GRIK3: variants seen among roughly 807,000 people sequenced by gnomAD.
The protein encoded by GRIK3 is glutamate ionotropic receptor kainate type subunit 3.
Under a neutral mutation model 102.5 loss-of-function variants are expected in GRIK3, and 29 were observed. That is an observed-to-expected ratio of 0.28 (90% CI 0.21 to 0.39). The LOEUF (loss-of-function observed/expected upper bound fraction) is 0.39. Ranked by LOEUF, GRIK3 falls within the 10% of genes least tolerant of loss-of-function variation. The probability of loss-of-function intolerance (pLI) is 1.00; values close to 1 mark genes in which losing one functional copy is unlikely to be tolerated. For synonymous variants in GRIK3, 511 were observed against 504.9 expected (o/e 1.01, Z -0.16); for missense variants, 908 against 1,252.4 (o/e 0.73, Z 4.15).
At chr1:37,000,038 A>G (rs1283427595) in intron 1 of GRIK3, among the ~76,000 whole-genome samples, 6 of 152,170 alleles carry the variant, frequency 3.9e-5, no homozygotes, top group African/African-American at 1.2e-4. Context: ...CACACTCCAC[A>G]TTTTACTTTA....
At chr1:36,950,360 C>A (rs974661331) in intron 1 of GRIK3, among the ~76,000 whole-genome samples, 1 of 152,150 alleles carries the variant, frequency 6.6e-6, no homozygotes, top group African/African-American at 2.4e-5. Flanking sequence ...AGAAAAAGCA[C>A]CTTTAGTATT....
chr1:36,875,013 A>G (rs1640897666), intron 3 of GRIK3, among the ~76,000 whole-genome samples: 1 of 152,198 alleles, frequency 6.6e-6, no homozygotes, highest in Non-Finnish European at 1.5e-5. Context: ...GCAGTGAATC[A>G]TGGTTGTTGG....
intron 1 of GRIK3, among the ~76,000 whole-genome samples, chr1:36,941,404 C>A (rs372693720): frequency 6.6e-6 from 1 of 152,152 alleles, no homozygotes; most frequent in African/African-American, 2.4e-5. Context: ...GAAGCAATTA[C>A]GATGATTGAT....
At chr1:36,802,135 G>C in intron 15 of GRIK3, 90 bp from the exon 16 acceptor site, 1 of 911,326 alleles carries the variant, frequency 1.1e-6, no homozygotes, top group Non-Finnish European at 1.7e-6. Context: ...CTTTCTCCCA[G>C]AGTCTGTGCT....
Position 36,975,288 on chromosome 1 carries a change from GTTTT to G in GRIK3, c.115+58702_115+58705del, listed in dbSNP as rs61125066. On this transcript the variant is annotated intron_variant, in intron 1 of 15. Coordinates refer to ENST00000373091, the MANE Select transcript of GRIK3 (RefSeq NM_000831.4). Reference sequence around the variant, plus strand: ...AAATCAATGAGCTTATCTAAAGTTGGTTTTTTTTTTTTTTTTTTTTGAGAGGGAG... The same window carrying G: ...AAATCAATGAGCTTATCTAAAGTTGGTTTTTTTTTTTTTTTTGAGAGGGAG... 5.3e-5 allele frequency among the ~76,000 whole-genome samples: 6 copies of G among 113,352 alleles called. No individual in the cohort carries two copies. The East Asian group carries it at 6.7e-4, about 13-fold the overall frequency. 74.4% of individuals were successfully genotyped at this position (113,352 alleles called of 152,430 possible).
intron 13 of GRIK3, among the ~76,000 whole-genome samples, chr1:36,812,346 T>A (rs1312285143): frequency 1.3e-5 from 2 of 152,018 alleles, no homozygotes; most frequent in Admixed American, 1.3e-4. Flanking sequence ...ATCCCTCTCA[T>A]CTGTTATGTG....
chr1:36,949,674 A>C (rs1641822958), intron 1 of GRIK3, among the ~76,000 whole-genome samples: 1 of 142,614 alleles, frequency 7.0e-6, no homozygotes, highest in Admixed American at 7.8e-5. Flanking sequence ...TCCCAGGTTC[A>C]GGTGATTCTC....
intron 2 of GRIK3, among the ~76,000 whole-genome samples, chr1:36,887,205 G>A (rs1641047231): frequency 1.3e-5 from 2 of 152,114 alleles, no homozygotes; most frequent in Admixed American, 1.3e-4. Context: ...AGATCACAGA[G>A]CTAACTATGA....
chr1:36,980,216 G>T (rs185720898), intron 1 of GRIK3, among the ~76,000 whole-genome samples: 3 of 152,254 alleles, frequency 2.0e-5, no homozygotes, highest in South Asian at 2.1e-4. Flanking sequence ...CCTGCTTAAT[G>T]CCTTCAAATA....
intron 1 of GRIK3, among the ~76,000 whole-genome samples, chr1:36,897,881 G>A (rs770072522): frequency 9.9e-5 from 15 of 152,172 alleles, no homozygotes; most frequent in Non-Finnish European, 2.1e-4. Flanking sequence ...ACCAAAATTT[G>A]GGAGCAACCT....
rs551386395 is a variant in GRIK3 at position 36,810,766 on chromosome 1, A to G, written c.2092-4440T>C. On this transcript the variant is annotated intron_variant, in intron 13 of 15. Coordinates refer to ENST00000373091, the MANE Select transcript of GRIK3 (RefSeq NM_000831.4). ...CCTTACTGGATCCATGGATTTGAGC[A>G]GTTTATCATTTTTCTTGGGTCATTT... 2.0e-5 allele frequency among the ~76,000 whole-genome samples: 3 copies of G among 152,320 alleles called. No individual in the cohort carries two copies. In the South Asian group the frequency reaches 6.2e-4, roughly 32 times the overall value.
chr1:36,904,329 A>G (rs1641262862), intron 1 of GRIK3, among the ~76,000 whole-genome samples: 1 of 152,168 alleles, frequency 6.6e-6, no homozygotes, highest in Admixed American at 6.5e-5. Flanking sequence ...ACCAAAAGTT[A>G]AGGGTGGTTT....
chr1:36,849,257 T>A (rs1640553691), intron 9 of GRIK3, among the ~76,000 whole-genome samples: 1 of 152,100 alleles, frequency 6.6e-6, no homozygotes, highest in Non-Finnish European at 1.5e-5. Context: ...TAGGGCCTGG[T>A]TCAGCTGCCT....
At chr1:36,952,634 G>A (rs1489850727) in intron 1 of GRIK3, among the ~76,000 whole-genome samples, 1 of 152,148 alleles carries the variant, frequency 6.6e-6, no homozygotes, top group Non-Finnish European at 1.5e-5. Flanking sequence ...ATGGGTGCCG[G>A]GTCAACAGTG....
intron 13 of GRIK3, among the ~76,000 whole-genome samples, chr1:36,814,842 G>A (rs936727111): frequency 7.9e-5 from 12 of 151,910 alleles, no homozygotes; most frequent in African/African-American, 2.4e-4. Context: ...GTAGACCCTC[G>A]GGTACACACT....
intron 1 of GRIK3, among the ~76,000 whole-genome samples, chr1:36,939,112 G>A (rs1254567221): frequency 2.0e-5 from 3 of 152,190 alleles, no homozygotes; most frequent in Non-Finnish European, 4.4e-5. Context: ...TGACACATCA[G>A]CTACTTGATA....
At chr1:36,881,836 C>A (rs1279210641) in intron 2 of GRIK3, among the ~76,000 whole-genome samples, 1 of 152,232 alleles carries the variant, frequency 6.6e-6, no homozygotes, top group Non-Finnish European at 1.5e-5. Flanking sequence ...CCTACCGCCA[C>A]TTTTCTGACT....
At chr1:36,938,497 T>C (rs1641684471) in intron 1 of GRIK3, among the ~76,000 whole-genome samples, 1 of 152,138 alleles carries the variant, frequency 6.6e-6, no homozygotes, top group South Asian at 2.1e-4. Flanking sequence ...TGCATCTCTG[T>C]TGTTCATTGG....
chr1:36,967,681 G>A (rs1208418868), intron 1 of GRIK3, among the ~76,000 whole-genome samples: 2 of 152,322 alleles, frequency 1.3e-5, no homozygotes, highest in African/African-American at 2.4e-5. Context: ...ATGACAAGAG[G>A]TGAAGGGCAG....
Sources: allele counts gnomAD v4.1 joint callset (sites outside exome capture counted in the v4.1 genomes callset), GRCh38; gene constraint gnomAD v4.1.1; transcripts MANE v1.5; gene names NCBI Gene and HGNC (gene_info 2026-07-23, HGNC 2026-07-21).